Variants in DEPDC5 observed in about 807,000 individuals in gnomAD.
DEPDC5 encodes GATOR1 complex protein DEPDC5.
In DEPDC5, 73 loss-of-function variants were observed where a neutral mutation model predicts 217.3. The ratio of observed to expected loss-of-function variants is 0.34; its 90% CI spans 0.28 to 0.41. The LOEUF is 0.41. Among genes scored for constraint, DEPDC5 ranks in the 10% least tolerant of loss-of-function variants. The pLI, the probability that DEPDC5 is intolerant of heterozygous loss-of-function variation, is 1.00. For synonymous variants in DEPDC5, 733 were observed against 756.7 expected (o/e 0.97, Z 0.51); for missense variants, 1,675 against 2,070.1 (o/e 0.81, Z 3.70).
chr22:31,905,952 G>A (rs371260836), intron 41 of DEPDC5, 32 bp from the exon 42 acceptor site: 5 of 1,594,248 alleles, frequency 3.1e-6, no homozygotes, highest in African/African-American at 1.3e-5. Flanking sequence ...CTAAGGAGGC[G>A]CTGATTAGCA....
intron 30 of DEPDC5, among the ~76,000 whole-genome samples, chr22:31,845,528 G>A (rs933071311): frequency 6.6e-5 from 10 of 152,158 alleles, no homozygotes; most frequent in African/African-American, 2.4e-4. Context: ...ACAGCTGCTT[G>A]TGTGACTGGG....
At chr22:31,869,634 C>T (rs570657439) in intron 33 of DEPDC5, among the ~76,000 whole-genome samples, 4 of 150,466 alleles carry the variant, frequency 2.7e-5, no homozygotes, top group South Asian at 4.2e-4. Context: ...CACCCCAGGG[C>T]GATATGGGGC....
chr22:31,774,989 C>G (rs1378154952), intron 7 of DEPDC5, among the ~76,000 whole-genome samples: 1 of 152,126 alleles, frequency 6.6e-6, no homozygotes, highest in African/African-American at 2.4e-5. Flanking sequence ...TGTTCATTCA[C>G]AGACGTAACT....
intron 4 of DEPDC5, among the ~76,000 whole-genome samples, chr22:31,761,268 A>G (rs1906601076): frequency 6.6e-6 from 1 of 152,178 alleles, no homozygotes; most frequent in South Asian, 2.1e-4. Flanking sequence ...GGCGTGAGCC[A>G]CCACACCCAG....
At chr22:31,795,050 C>A (rs1277991067) in intron 12 of DEPDC5, among the ~76,000 whole-genome samples, 1 of 150,238 alleles carries the variant, frequency 6.7e-6, no homozygotes, top group Non-Finnish European at 1.5e-5. Context: ...GAGATGTGAT[C>A]ACACATTCCA....
At chr22:31,822,831 C>A in intron 24 of DEPDC5, 41 bp downstream of exon 24, 1 of 1,588,160 alleles carries the variant, frequency 6.3e-7, no homozygotes, top group Non-Finnish European at 8.6e-7. Flanking sequence ...ATGTTTAGAT[C>A]AGGCTCACAT....
intron 10 of DEPDC5, among the ~76,000 whole-genome samples, chr22:31,786,285 T>C (rs1240166832): frequency 6.7e-6 from 1 of 148,822 alleles, no homozygotes; most frequent in Non-Finnish European, 1.5e-5. Context: ...GCTAAAATTA[T>C]AAAACTGAGC....
rs34494517 is a variant in DEPDC5 at position 31,791,925 on chromosome 22, CAAAAAAA to C, written c.625-88_625-82del. 419 of 124,058 alleles carry C rather than the reference CAAAAAAA, an allele frequency of 3.4e-3. 1 individual carries two copies. The highest frequency in any genetic ancestry group is 0.02 in the South Asian group (266 of 13,232). 7.7% of individuals were successfully genotyped at this position (124,058 alleles called of 1,614,324 possible). On this transcript the variant is annotated intron_variant, in intron 10 of 42. Coordinates refer to ENST00000651528, the MANE Select transcript of DEPDC5 (RefSeq NM_001242896.3). Reference sequence around the variant, plus strand: ...CTGGTGGCAGAGTAAGACTCCGTCTCAAAAAAAAAAAAAAAAAAAAAAAAAAGAATAT... The same window carrying C: ...CTGGTGGCAGAGTAAGACTCCGTCTCAAAAAAAAAAAAAAAAAAAGAATAT...
intron 10 of DEPDC5, 32 bp from the exon 11 acceptor site, chr22:31,792,001 C>T (rs758502938): frequency 2.3e-6 from 3 of 1,296,382 alleles, no homozygotes; most frequent in East Asian, 3.2e-5. Flanking sequence ...ATGAAACAAA[C>T]TTCAACCCTG....
At chr22:31,781,214 C>T in intron 8 of DEPDC5, among the ~76,000 whole-genome samples, 1 of 138,864 alleles carries the variant, frequency 7.2e-6, no homozygotes, top group Admixed American at 7.2e-5. Flanking sequence ...GAAACTCGGT[C>T]TCAAAAACAA....
chr22:31,866,928 A>G (rs1254417118), intron 33 of DEPDC5, among the ~76,000 whole-genome samples: 1 of 152,206 alleles, frequency 6.6e-6, no homozygotes, highest in East Asian at 1.9e-4. Flanking sequence ...CACTTGGTTA[A>G]TGTCATATTT....
Position 31,861,412 on chromosome 22 carries a change from A to C in DEPDC5, c.3309A>C (p.Ala1103=), listed in dbSNP as rs1300516876. 1 of 1,551,492 alleles carries C rather than the reference A, an allele frequency of 6.4e-7. No homozygotes were observed. The highest frequency in any genetic ancestry group is 8.7e-7 in the Non-Finnish European group (1 of 1,146,964). ...FMEFVRSPRT[A]SSAFYPQVSV... ...AGTTTGTCCGCAGCCCACGCACAGC[A>C]TCGTCCGCCTTCTACCCTCAGGTTA... The change falls in exon 33 of 43, where the codon GCA becomes GCC. Residue 1103 remains alanine, a synonymous_variant. Transcript: ENST00000651528.
At chr22:31,798,355 TAAAAATACA>T (rs1434972749) in intron 13 of DEPDC5, among the ~76,000 whole-genome samples, 2 of 152,086 alleles carry the variant, frequency 1.3e-5, no homozygotes, top group Non-Finnish European at 2.9e-5. Flanking sequence ...CTGTCTCTAC[TAAAAATACA>T]AAAATTAGCC....
At chr22:31,867,153 G>A (rs2092711903) in intron 33 of DEPDC5, among the ~76,000 whole-genome samples, 1 of 152,112 alleles carries the variant, frequency 6.6e-6, no homozygotes, top group Non-Finnish European at 1.5e-5. Context: ...TGCGACATCT[G>A]CCATTCTCTC....
intron 31 of DEPDC5, among the ~76,000 whole-genome samples, chr22:31,855,470 A>T (rs1326867895): frequency 6.8e-6 from 1 of 147,478 alleles, no homozygotes; most frequent in African/African-American, 2.5e-5. Context: ...GCCGCTTCCC[A>T]GGTTCACGCC....
intron 36 of DEPDC5, 116 bp from the exon 37 acceptor site, chr22:31,876,041 G>A: frequency 1.4e-6 from 1 of 729,168 alleles, no homozygotes; most frequent in Middle Eastern, 3.1e-4. Context: ...ATCTGGGGGT[G>A]GAGGGTAGGG....
At position 31,908,019 on chromosome 22, in the gene DEPDC5, T is replaced by C. The variant is rs2093776499; in HGVS notation, c.*1522T>C. 1 of 152,268 alleles carries C rather than the reference T, an allele frequency of 6.6e-6. No homozygotes were observed. The highest frequency in any genetic ancestry group is 1.5e-5 in the Non-Finnish European group (1 of 68,064). 9.4% of individuals were successfully genotyped at this position (152,268 alleles called of 1,614,324 possible). The stretch of plus-strand genomic sequence containing the variant: ...AGTCAGTCTTTTTATAAAACCACTG[T>C]GATTTTGCCCACCACTTAACTAGAA... On this transcript the variant is annotated 3_prime_UTR_variant, in exon 43 of 43. Transcript: ENST00000651528.
At chr22:31,833,810 T>G (rs2090779770) in intron 24 of DEPDC5, 105 bp from the exon 25 acceptor site, 1 of 934,460 alleles carries the variant, frequency 1.1e-6, no homozygotes, top group African/African-American at 1.6e-5. Flanking sequence ...GCACTTGGTT[T>G]ACATTTTTAT....
chr22:31,798,549 A>G lies in DEPDC5; in HGVS notation c.872-33A>G, dbSNP rs373699353. 6.8e-5 allele frequency: 107 copies of G among 1,578,154 alleles called. No individual in the cohort carries two copies. In the African/African-American group the frequency reaches 1.2e-3, roughly 17 times the overall value. ...AAAAAAAAAGTTCATGTTTCATGAG[A>G]TGTTTTTCTTTCTCTTGCATATTTT... is the stretch of plus-strand genomic sequence containing the variant. On this transcript the variant is annotated intron_variant, in intron 13 of 42. Coordinates refer to ENST00000651528, the MANE Select transcript of DEPDC5 (RefSeq NM_001242896.3).
Sources: gnomAD v4.1 joint callset for allele counts (sites outside exome capture counted in the v4.1 genomes callset) on GRCh38, gnomAD v4.1.1 for gene constraint, MANE v1.5 for transcripts, NCBI Gene and HGNC (gene_info 2026-07-23, HGNC 2026-07-21) for gene names.